Variants in KDM4B observed in about 807,000 individuals in gnomAD.
KDM4B encodes the protein lysine-specific demethylase 4B.
In KDM4B, 32 loss-of-function variants were observed where a neutral mutation model predicts 125.2. That is an observed-to-expected ratio of 0.26 (90% CI 0.19 to 0.34). KDM4B has a LOEUF of 0.34. KDM4B is among the 10% of genes least tolerant of loss of function. The probability of loss-of-function intolerance (pLI) is 1.00; values close to 1 mark genes in which losing one functional copy is unlikely to be tolerated. For missense variants in KDM4B, 1,190 were observed against 1,577.7 expected (o/e 0.75, Z 4.16); for synonymous variants, 721 against 677.9 (o/e 1.06, Z -0.99).
At chr19:5,007,083 AG>A (rs1418008163) in intron 1 of KDM4B, among the ~76,000 whole-genome samples, 1 of 152,148 alleles carries the variant, frequency 6.6e-6, no homozygotes, top group Non-Finnish European at 1.5e-5. Flanking sequence ...ATCTTCTAGA[AG>A]GGCCTTGGGG....
intron 15 of KDM4B, 86 bp downstream of exon 15, chr19:5,135,647 C>A: frequency 8.6e-7 from 1 of 1,157,532 alleles, no homozygotes; most frequent in South Asian, 1.5e-5. Context: ...TCCTCCCCTG[C>A]GGAGGGCCAC....
At position 5,082,824 on chromosome 19, in the gene KDM4B, G is replaced by A. The variant is rs527334294; in HGVS notation, c.918+320G>A. ...CCGGCTGCTCGGGTCTAGGGGTTGG[G>A]GTGTTTCCTCCACCAGCACCATTGT... On this transcript the variant is annotated intron_variant, in intron 9 of 22. Coordinates refer to ENST00000159111, the MANE Select transcript of KDM4B (RefSeq NM_015015.3). This position sits in a 1 kb window ranked among gnomAD's most constrained non-coding sequence, Gnocchi z 5.4. Among the ~76,000 whole-genome samples the A allele has an allele frequency of 5.3e-5, 8 of 152,228 alleles. No individual in the cohort carries two copies. Among genetic ancestry groups the A allele is most frequent in the Non-Finnish European group, 1.2e-4 (8 of 68,030 alleles).
At chr19:5,089,451 A>G (rs923006617) in intron 9 of KDM4B, among the ~76,000 whole-genome samples, 2 of 152,194 alleles carry the variant, frequency 1.3e-5, no homozygotes, top group Non-Finnish European at 2.9e-5. Flanking sequence ...GCAGCTGTGA[A>G]AATGGGTTTG....
At chr19:5,065,024 C>T (rs1270928052) in intron 6 of KDM4B, among the ~76,000 whole-genome samples, 3 of 152,212 alleles carry the variant, frequency 2.0e-5, no homozygotes, top group African/African-American at 7.2e-5. Context: ...GTTCCGAGGT[C>T]AGGTGCGGTG....
At chr19:5,138,775 G>A (rs564274289) in intron 18 of KDM4B, among the ~76,000 whole-genome samples, 32 of 152,312 alleles carry the variant, frequency 2.1e-4, no homozygotes, top group Admixed American at 1.6e-3. Context: ...TCTGCGGCCC[G>A]CTCACCCGTC....
chr19:4,996,854 G>A (rs1002434394), intron 1 of KDM4B, among the ~76,000 whole-genome samples: 2 of 152,292 alleles, frequency 1.3e-5, no homozygotes, highest in Middle Eastern at 6.8e-3. Flanking sequence ...TTGCTATCTT[G>A]AGCTGGGTCC....
chr19:5,002,265 C>T (rs181102605), intron 1 of KDM4B, among the ~76,000 whole-genome samples: 4 of 151,928 alleles, frequency 2.6e-5, no homozygotes, highest in East Asian at 2.0e-4. Context: ...CCCAAAATGC[C>T]GGGATTATAG....
chr19:5,131,383 C>T lies in KDM4B; in HGVS notation c.1623C>T (p.Asn541=). ...VVPRPGKAAF[N]QEHVSCQQAF... ...CGCGGCCGGGCAAGGCAGCCTTCAA[C>T]CAGGAGCACGTGTCCTGCCAGCAGG... Residue 541 remains asparagine (N), a synonymous_variant, in exon 12 of 23, where the codon AAC becomes AAT. Coordinates refer to ENST00000159111, the MANE Select transcript of KDM4B (RefSeq NM_015015.3). The T allele has an allele frequency of 6.2e-7, 1 of 1,611,906 alleles. No individual in the cohort carries two copies. The highest frequency in any genetic ancestry group is 8.5e-7 in the Non-Finnish European group (1 of 1,179,764).
Position 5,141,344 on chromosome 19 carries a change from G to A in KDM4B, c.2551-2623G>A, listed in dbSNP as rs2039739429. On this transcript the variant is annotated intron_variant, in intron 18 of 22. Transcript: ENST00000159111. This position sits in a 1 kb window ranked among gnomAD's most constrained non-coding sequence, Gnocchi z 6.4. ...CACCAGTGACTCAGTCCACAAACGTGGGCGTAAAAGGCCTCATGATTCAGG... is the reference window on the plus strand; with the variant it reads ...CACCAGTGACTCAGTCCACAAACGTAGGCGTAAAAGGCCTCATGATTCAGG... 1 of 152,172 alleles carries A rather than the reference G, an allele frequency of 6.6e-6. No homozygotes were observed. Among genetic ancestry groups the A allele is most frequent in the Non-Finnish European group, 1.5e-5 (1 of 68,022 alleles). The allele number at this position is 152,172 out of a possible 1,614,324, so 9.4% of individuals were successfully genotyped here.
intron 2 of KDM4B, among the ~76,000 whole-genome samples, chr19:5,022,593 T>C (rs263063): frequency 0.92 from 139,463 of 152,264 alleles, 64,005 homozygotes; most frequent in African/African-American, 0.96. Context: ...CTGCCTCACT[T>C]AGGCCACTGG....
At chr19:5,090,534 GCT>G (rs2038673156) in intron 9 of KDM4B, among the ~76,000 whole-genome samples, 2 of 24,732 alleles carry the variant, frequency 8.1e-5, no homozygotes, top group African/African-American at 1.6e-4. Flanking sequence ...CTCTTTCCCC[GCT>G]CCCCCTCTCT....
At chr19:5,007,412 G>C (rs1367064989) in intron 1 of KDM4B, among the ~76,000 whole-genome samples, 1 of 152,058 alleles carries the variant, frequency 6.6e-6, no homozygotes, top group Non-Finnish European at 1.5e-5. Context: ...CGTGTTTTCT[G>C]TTAGGTTGTT....
chr19:5,036,921 C>G (rs1413941035), intron 3 of KDM4B, among the ~76,000 whole-genome samples: 1 of 152,258 alleles, frequency 6.6e-6, no homozygotes, highest in Admixed American at 6.5e-5. Context: ...CAGCACCTGC[C>G]TGGGCTGTGT....
At chr19:5,123,056 A>C (rs945951325) in intron 11 of KDM4B, among the ~76,000 whole-genome samples, 3 of 152,232 alleles carry the variant, frequency 2.0e-5, no homozygotes, top group Admixed American at 1.3e-4. Flanking sequence ...GTGCAGATGC[A>C]GGGACAGGCA....
At chr19:5,145,816 G>A (rs747802385) in intron 21 of KDM4B, among the ~76,000 whole-genome samples, 4 of 152,150 alleles carry the variant, frequency 2.6e-5, no homozygotes, top group East Asian at 1.9e-4. Flanking sequence ...CGGGTCACGC[G>A]GCGGGTCAGT....
chr19:4,978,094 A>C (rs1190164408), intron 1 of KDM4B, among the ~76,000 whole-genome samples: 1 of 152,086 alleles, frequency 6.6e-6, no homozygotes, highest in Non-Finnish European at 1.5e-5. Context: ...TGCCGTCCCT[A>C]GCATGCACTT....
At chr19:5,121,488 G>A (rs969518139) in intron 11 of KDM4B, among the ~76,000 whole-genome samples, 2 of 152,150 alleles carry the variant, frequency 1.3e-5, no homozygotes, top group Non-Finnish European at 1.5e-5. Context: ...CTCGGGGATC[G>A]AGCGGAGCTG....
At chr19:5,109,950 G>A (rs538371028) in intron 9 of KDM4B, among the ~76,000 whole-genome samples, 4 of 152,332 alleles carry the variant, frequency 2.6e-5, no homozygotes, top group East Asian at 3.9e-4. Flanking sequence ...CGCGTCTGAC[G>A]GGAGGGAGAT....
chr19:5,011,269 C>T (rs2035718661), intron 1 of KDM4B, among the ~76,000 whole-genome samples: 2 of 152,146 alleles, frequency 1.3e-5, no homozygotes, highest in East Asian at 1.9e-4. Context: ...TGGCCGTGCT[C>T]GATGCTGTTG....
Sources: gnomAD v4.1 joint callset for allele counts (sites outside exome capture counted in the v4.1 genomes callset) on GRCh38, gnomAD v4.1.1 for gene constraint, Gnocchi (gnomAD v3.1) non-coding constraint, MANE v1.5 for transcripts, NCBI Gene and HGNC (gene_info 2026-07-23, HGNC 2026-07-21) for gene names.